Variants in RPS6KC1 observed in about 807,000 individuals in gnomAD.
RPS6KC1 encodes the protein ribosomal protein S6 kinase C1, also known as inactive ribosomal protein S6 kinase delta-1.
RPS6KC1 carries 54 observed loss-of-function variants against 103.8 expected under a neutral mutation model. That is an observed-to-expected ratio of 0.52 (90% CI 0.42 to 0.65). The LOEUF (loss-of-function observed/expected upper bound fraction) is 0.65. RPS6KC1 is among the 30% of genes least tolerant of loss of function. The pLI, the probability that RPS6KC1 is intolerant of heterozygous loss-of-function variation, is 0.00. For missense variants in RPS6KC1, 1,151 were observed against 1,253.8 expected, an observed-to-expected ratio of 0.92 and a Z score of 1.24; for synonymous variants, 439 against 438.7, an observed-to-expected ratio of 1.00 and a Z score of -0.01.
chr1:213,177,884 G>A (rs1229942756), intron 8 of RPS6KC1, among the ~76,000 whole-genome samples: 2 of 152,000 alleles, frequency 1.3e-5, no homozygotes, highest in Non-Finnish European at 2.9e-5. Context: ...CCTAGTAATA[G>A]CTAGTAGTCT....
the RPS6KC1 span, among the ~76,000 whole-genome samples, chr1:213,625,432 CT>C: frequency 1.4e-4 from 21 of 150,716 alleles, no homozygotes; most frequent in Admixed American, 2.6e-4. Context: ...TCTTGGGGCT[CT>C]TTTTTTTTAT....
intron 10 of RPS6KC1, among the ~76,000 whole-genome samples, chr1:213,234,770 G>A (rs2094186753): frequency 6.6e-6 from 1 of 152,280 alleles, no homozygotes; most frequent in South Asian, 2.1e-4. Context: ...TTTTAAAAAG[G>A]TCACTGGCTC....
chr1:213,533,026 C>G, the RPS6KC1 span, among the ~76,000 whole-genome samples: 2 of 152,164 alleles, frequency 1.3e-5, no homozygotes, highest in Non-Finnish European at 2.9e-5. Flanking sequence ...TAATGCCAGC[C>G]TAGGGAAGTT....
At chr1:213,712,357 C>A in the RPS6KC1 span, among the ~76,000 whole-genome samples, 1 of 152,090 alleles carries the variant, frequency 6.6e-6, no homozygotes, top group Admixed American at 6.5e-5. Context: ...TGGCAGATGC[C>A]CCTCCCCTCA....
chr1:213,518,654 T>C, the RPS6KC1 span, among the ~76,000 whole-genome samples: 1 of 152,210 alleles, frequency 6.6e-6, no homozygotes, highest in African/African-American at 2.4e-5. Flanking sequence ...AGTACCTACC[T>C]GTGACCTGTT....
chr1:213,714,433 G>GCTGCT, the RPS6KC1 span, among the ~76,000 whole-genome samples: 2 of 152,184 alleles, frequency 1.3e-5, no homozygotes, highest in African/African-American at 4.8e-5. Flanking sequence ...TTTTCTCAAT[G>GCTGCT]TCTATTTATC....
the RPS6KC1 span, among the ~76,000 whole-genome samples, chr1:213,431,647 T>TTG: frequency 1.3e-3 from 165 of 127,822 alleles, no homozygotes; most frequent in African/African-American, 4.3e-3. Flanking sequence ...ATTCCATTGT[T>TTG]TGTGTGTATG....
the RPS6KC1 span, among the ~76,000 whole-genome samples, chr1:213,704,385 C>CAAA: frequency 1.2e-3 from 32 of 27,634 alleles, 3 homozygotes; most frequent in South Asian, 2.1e-3. Context: ...GACTCCGTCT[C>CAAA]AAAAAAAAAA....
At chr1:213,073,839 CTGATTTT>C (rs2079081179) in intron 2 of RPS6KC1, among the ~76,000 whole-genome samples, 1 of 152,000 alleles carries the variant, frequency 6.6e-6, no homozygotes, top group African/African-American at 2.4e-5. Context: ...CCACACCTGG[CTGATTTT>C]TGTATTTTTA....
the RPS6KC1 span, among the ~76,000 whole-genome samples, chr1:213,753,101 C>T: frequency 2.6e-5 from 4 of 152,216 alleles, no homozygotes; most frequent in Non-Finnish European, 4.4e-5. Flanking sequence ...TCTTTCTCTT[C>T]CCTTTCCAAA....
At chr1:213,652,386 G>A in the RPS6KC1 span, among the ~76,000 whole-genome samples, 1 of 152,180 alleles carries the variant, frequency 6.6e-6, no homozygotes, top group Non-Finnish European at 1.5e-5. Flanking sequence ...CTTAGCTAAT[G>A]AGTGAGTGAC....
At chr1:213,814,666 T>C in the RPS6KC1 span, among the ~76,000 whole-genome samples, 1 of 152,212 alleles carries the variant, frequency 6.6e-6, no homozygotes, top group Non-Finnish European at 1.5e-5. Context: ...CTAAGCACTA[T>C]TATAAGGGCT....
the RPS6KC1 span, chr1:213,841,117 A>G: frequency 6.6e-6 from 1 of 152,160 alleles, no homozygotes; most frequent in African/African-American, 2.4e-5. Flanking sequence ...TTCCATATTA[A>G]TGATCTGAGT....
the RPS6KC1 span, among the ~76,000 whole-genome samples, chr1:213,680,682 A>T: frequency 3.3e-5 from 5 of 152,120 alleles, no homozygotes; most frequent in Non-Finnish European, 7.4e-5. Context: ...GGAGGGAAGG[A>T]TGTAAGGCAA....
At chr1:213,853,592 C>A in the RPS6KC1 span, among the ~76,000 whole-genome samples, 25 of 152,280 alleles carry the variant, frequency 1.6e-4, 1 homozygote, top group East Asian at 4.8e-3. Flanking sequence ...TTTGCTGTTC[C>A]ACTTTTGTTT....
chr1:213,564,933 A>G, the RPS6KC1 span, among the ~76,000 whole-genome samples: 2 of 152,196 alleles, frequency 1.3e-5, no homozygotes, highest in East Asian at 1.9e-4. Context: ...TTTCTGTTTT[A>G]TCGTGTTGCT....
At chr1:213,462,307 G>C in the RPS6KC1 span, among the ~76,000 whole-genome samples, 3 of 152,186 alleles carry the variant, frequency 2.0e-5, no homozygotes, top group Non-Finnish European at 4.4e-5. Flanking sequence ...TACACTGTTG[G>C]TGGGAGTGTA....
At chr1:213,201,428 TTAGTGGTTACCAGA>T (rs1440550271) in intron 8 of RPS6KC1, among the ~76,000 whole-genome samples, 5 of 152,138 alleles carry the variant, frequency 3.3e-5, no homozygotes, top group African/African-American at 1.2e-4. Context: ...AGTAAAAAGG[TTAGTGGTTACCAGA>T]TATTGGGCAG....
At chr1:213,113,033 G>A (rs1342684147) in intron 4 of RPS6KC1, among the ~76,000 whole-genome samples, 7 of 152,182 alleles carry the variant, frequency 4.6e-5, no homozygotes, top group Admixed American at 4.6e-4. Flanking sequence ...ATGTGTGCAT[G>A]TGTCTTTGTA....
Sources: gnomAD v4.1 joint callset for allele counts (sites outside exome capture counted in the v4.1 genomes callset) on GRCh38, gnomAD v4.1.1 for gene constraint, MANE v1.5 for transcripts, NCBI Gene and HGNC (gene_info 2026-07-23, HGNC 2026-07-21) for gene names.